The following SHROOM4 variants were observed in gnomAD, a reference collection of about 807,000 sequenced individuals.
SHROOM4 encodes protein Shroom4.
A neutral mutation model predicts 80.3 loss-of-function variants in SHROOM4; 17 were observed. That is an observed-to-expected ratio of 0.21 (90% CI 0.14 to 0.32). The LOEUF (loss-of-function observed/expected upper bound fraction) is 0.32. SHROOM4 is among the 10% of genes least tolerant of loss of function. SHROOM4 has a pLI of 1.00. For missense variants in SHROOM4, 993 were observed against 1,140.3 expected, an observed-to-expected ratio of 0.87 and a Z score of 1.86; for synonymous variants, 400 against 437.5, an observed-to-expected ratio of 0.91 and a Z score of 1.07.
intron 1 of SHROOM4, among the ~76,000 whole-genome samples, chrX:50,713,409 T>A (rs1284247906): frequency 9.0e-6 from 1 of 110,617 alleles, no homozygotes; most frequent in African/African-American, 3.3e-5. Context: ...GGTGGGGGGA[T>A]TGCTTGAGCC....
chrX:50,652,203 C>T (rs1932116744), intron 2 of SHROOM4, among the ~76,000 whole-genome samples: 2 of 111,853 alleles, frequency 1.8e-5, no homozygotes, highest in African/African-American at 3.2e-5. Context: ...CCACCAACAG[C>T]GTAAAAGCAT....
At chrX:50,746,263 G>A (rs1557267601) in intron 1 of SHROOM4, among the ~76,000 whole-genome samples, 1 of 111,213 alleles carries the variant, frequency 9.0e-6, no homozygotes, top group Non-Finnish European at 1.9e-5. Context: ...CCCTCCCTCT[G>A]GTAACCATTA....
intron 5 of SHROOM4, among the ~76,000 whole-genome samples, chrX:50,616,003 C>T (rs1220338412): frequency 8.9e-6 from 1 of 112,298 alleles, no homozygotes; most frequent in African/African-American, 3.2e-5. Context: ...TGGAGCTTTG[C>T]TGCTTTGATC....
At chrX:50,689,672 CTT>C (rs1933172138) in intron 2 of SHROOM4, among the ~76,000 whole-genome samples, 1 of 111,806 alleles carries the variant, frequency 8.9e-6, no homozygotes, top group Non-Finnish European at 1.9e-5. Context: ...ATTTGTTACT[CTT>C]TGACTTCTCC....
At chrX:50,585,064 A>T (rs1259055597), downstream of SHROOM4, among the ~76,000 whole-genome samples, 1 of 110,923 alleles carries the variant, frequency 9.0e-6, no homozygotes, top group African/African-American at 3.3e-5. Context: ...TGAGGAGGAT[A>T]AGCCAGTGTA....
downstream of SHROOM4, among the ~76,000 whole-genome samples, chrX:50,583,713 G>A (rs781986207): frequency 9.0e-6 from 1 of 111,172 alleles, no homozygotes; most frequent in African/African-American, 3.3e-5. Flanking sequence ...TCAGCTGATA[G>A]TCAGAAAGCA....
At chrX:50,718,876 A>G (rs1473233028) in intron 1 of SHROOM4, among the ~76,000 whole-genome samples, 1 of 111,525 alleles carries the variant, frequency 9.0e-6, no homozygotes, top group Non-Finnish European at 1.9e-5. Flanking sequence ...TCCTAGCCCA[A>G]TGCAAACTTA....
Position 50,674,077 on chromosome X carries a change from A to G in SHROOM4, c.269+21709T>C, listed in dbSNP as rs184746034. Among the ~76,000 whole-genome samples, 328 of 110,646 alleles carry G rather than the reference A, an allele frequency of 3.0e-3. 2 individuals carry two copies. Among genetic ancestry groups the G allele is most frequent in the African/African-American group, 0.01 (313 of 30,606 alleles). ...GGGTATGCATGCTAAAAACCACATAATGCTGAAAAAAGAAAAAAATCCAAA... is the reference window on the plus strand; with the variant it reads ...GGGTATGCATGCTAAAAACCACATAGTGCTGAAAAAAGAAAAAAATCCAAA... On this transcript the variant is annotated intron_variant, in intron 2 of 8. Coordinates refer to ENST00000376020, the MANE Select transcript of SHROOM4 (RefSeq NM_020717.5).
intron 1 of SHROOM4, among the ~76,000 whole-genome samples, chrX:50,780,807 TC>T (rs1935610354): frequency 8.9e-6 from 1 of 111,914 alleles, no homozygotes; most frequent in Admixed American, 9.5e-5. Context: ...CTTTGGTTAA[TC>T]AGAGTTTTCC....
intron 1 of SHROOM4, among the ~76,000 whole-genome samples, chrX:50,711,196 T>C (rs960113038): frequency 1.8e-5 from 2 of 112,052 alleles, no homozygotes; most frequent in Non-Finnish European, 3.8e-5. Context: ...GGAAAAGAAA[T>C]GCTTCCAGGT....
At chrX:50,686,237 G>A (rs1557262243) in intron 2 of SHROOM4, among the ~76,000 whole-genome samples, 3 of 109,952 alleles carry the variant, frequency 2.7e-5, no homozygotes, top group East Asian at 5.7e-4. Flanking sequence ...GGGTTTCACC[G>A]TGTTAGCCAG....
chrX:50,789,593 T>A (rs1935815420), intron 1 of SHROOM4, among the ~76,000 whole-genome samples: 1 of 106,211 alleles, frequency 9.4e-6, no homozygotes, highest in African/African-American at 3.4e-5. Context: ...ACTAGAAAAA[T>A]AAGGAAAAAA....
intron 1 of SHROOM4, among the ~76,000 whole-genome samples, chrX:50,738,355 A>G (rs1293867007): frequency 4.5e-5 from 5 of 110,965 alleles, no homozygotes; most frequent in Non-Finnish European, 9.4e-5. Context: ...AAAGAAATAA[A>G]GGGTATTCAA....
In SHROOM4 at chrX:50,723,727, C is replaced by T. The variant is rs138793240; in HGVS notation, c.118-27790G>A. On this transcript the variant is annotated intron_variant, in intron 1 of 8. Coordinates refer to ENST00000376020, the MANE Select transcript of SHROOM4 (RefSeq NM_020717.5). Reference sequence around the variant, plus strand: ...AAGTCCGTCCCCTTCTTAATCAATACAGAGGCTACCAACTCCACATTATCT... The same window carrying T: ...AAGTCCGTCCCCTTCTTAATCAATATAGAGGCTACCAACTCCACATTATCT... 4.9e-3 allele frequency among the ~76,000 whole-genome samples: 544 copies of T among 110,720 alleles called. 4 individuals carry two copies. The highest frequency in any genetic ancestry group is 0.017 in the African/African-American group (518 of 30,373).
intron 1 of SHROOM4, among the ~76,000 whole-genome samples, chrX:50,769,968 A>G (rs1249042236): frequency 1.9e-5 from 2 of 107,252 alleles, no homozygotes; most frequent in Non-Finnish European, 3.9e-5. Flanking sequence ...TTCATTCCAC[A>G]TGTTCTCGGG....
intron 4 of SHROOM4, 71 bp downstream of exon 4, chrX:50,633,107 A>C (rs1931137615): frequency 1.0e-6 from 1 of 959,730 alleles, no homozygotes; most frequent in Non-Finnish European, 1.5e-6. Context: ...TTATATTTTT[A>C]AATAATTTAC....
chrX:50,794,889 T>C (rs1286873681), intron 1 of SHROOM4, among the ~76,000 whole-genome samples: 1 of 96,170 alleles, frequency 1.0e-5, no homozygotes, highest in African/African-American at 4.4e-5. Flanking sequence ...TGTATGAATA[T>C]GTGTATAAAT....
Position 50,607,385 on chromosome X carries a change from C to A in SHROOM4, c.3757G>T (p.Ala1253Ser). 2.5e-6 allele frequency: 3 copies of A among 1,210,802 alleles called. No homozygotes were observed. The highest frequency in any genetic ancestry group is 3.4e-6 in the Non-Finnish European group (3 of 895,162). The part of the protein sequence containing the change: ...RTSGQEATES[A>S]KQEFQHFSPP... Reference sequence around the variant, plus strand: ...GTATCTTTCATATGTACTTACTTGGCGGATTCAGTGGCTTCCTGTCCCGAT... The same window carrying A: ...GTATCTTTCATATGTACTTACTTGGAGGATTCAGTGGCTTCCTGTCCCGAT... Residue 1253 changes from alanine (A) to serine (S), a missense_variant, in exon 6 of 9, where the codon GCC (alanine) becomes TCC (serine). Transcript: ENST00000376020.
intron 1 of SHROOM4, among the ~76,000 whole-genome samples, chrX:50,734,581 T>C (rs189525794): frequency 2.2e-4 from 24 of 110,642 alleles, no homozygotes; most frequent in African/African-American, 7.9e-4. Context: ...GCCTGGCTAA[T>C]TTTTGTAATT....
Sources: allele counts gnomAD v4.1 joint callset (sites outside exome capture counted in the v4.1 genomes callset), GRCh38; gene constraint gnomAD v4.1.1; transcripts MANE v1.5; gene names NCBI Gene and HGNC (gene_info 2026-07-23, HGNC 2026-07-21).